Variants in FBXL18 observed in about 807,000 individuals in gnomAD.
FBXL18 encodes F-box/LRR-repeat protein 18.
FBXL18 carries 36 observed loss-of-function variants against 46.0 expected under a neutral mutation model. The observed-to-expected ratio is 0.78, with a 90% CI of 0.60 to 1.03. The LOEUF (loss-of-function observed/expected upper bound fraction) is 1.03. Ranked by LOEUF, FBXL18 falls within the 50% of genes least tolerant of loss-of-function variation. The pLI is 0.00. For missense variants in FBXL18, 977 were observed against 1,004.1 expected, an observed-to-expected ratio of 0.97 and a Z score of 0.36; for synonymous variants, 557 against 465.3, an observed-to-expected ratio of 1.20 and a Z score of -2.54.
chr7:5,506,192 C>A (rs1274139397), intron 1 of FBXL18, among the ~76,000 whole-genome samples: 1 of 152,048 alleles, frequency 6.6e-6, no homozygotes, highest in Admixed American at 6.6e-5. Flanking sequence ...AACTCCTGGG[C>A]TCCAGCCTCC....
At chr7:5,460,828 C>T (rs527589101) in intron 4 of FBXL18, among the ~76,000 whole-genome samples, 1 of 152,328 alleles carries the variant, frequency 6.6e-6, no homozygotes, top group African/African-American at 2.4e-5. Flanking sequence ...GCTATCTGCA[C>T]ATTGCCGCCC....
chr7:5,507,749 G>T (rs538279605), intron 1 of FBXL18, among the ~76,000 whole-genome samples: 1 of 151,648 alleles, frequency 6.6e-6, no homozygotes, highest in South Asian at 2.1e-4. Context: ...CAGGAGAATC[G>T]CTTGAACCCC....
Position 5,501,716 on chromosome 7 carries a change from A to G in FBXL18, c.553T>C (p.Tyr185His). 1 of 1,585,584 alleles carries G rather than the reference A, an allele frequency of 6.3e-7. No individual in the cohort carries two copies. Residue 185 changes from tyrosine (Y) to histidine (H), a missense_variant, in exon 3 of 5, where the codon TAC (tyrosine) becomes CAC (histidine). Transcript: ENST00000382368. The part of the protein sequence containing the change: ...ELKQTLFTPS[Y>H]GVVPCCTSLE... ...CTGGTGCAGCAGGGCACCACGCCGTAGGAGGGAGTGAACAGCGTCTGCTTG... is the reference window on the plus strand; with the variant it reads ...CTGGTGCAGCAGGGCACCACGCCGTGGGAGGGAGTGAACAGCGTCTGCTTG...
chr7:5,460,386 G>C (rs1783227105), intron 4 of FBXL18, among the ~76,000 whole-genome samples: 1 of 152,176 alleles, frequency 6.6e-6, no homozygotes, highest in African/African-American at 2.4e-5. Flanking sequence ...AAGACACAGA[G>C]ATACCATGAG....
chr7:5,499,081 T>C (rs1479642333), intron 3 of FBXL18, among the ~76,000 whole-genome samples: 1 of 152,170 alleles, frequency 6.6e-6, no homozygotes, highest in African/African-American at 2.4e-5. Context: ...CCCAGGCCTG[T>C]TGTTCCACCT....
chr7:5,501,810 C>A lies in FBXL18; in HGVS notation c.459G>T (p.Val153=). The A allele has an allele frequency of 1.3e-6, 2 of 1,578,564 alleles. No homozygotes were observed. Among genetic ancestry groups the A allele is most frequent in the African/African-American group, 1.3e-5 (1 of 74,590 alleles). The change falls in exon 3 of 5, where the codon GTG becomes GTT. Residue 153 remains valine (V), a synonymous_variant. Coordinates refer to ENST00000382368, the MANE Select transcript of FBXL18 (RefSeq NM_024963.6). ...LQHLRSLAID[V]SPGFDASQLS... is the part of the protein sequence containing the mutation. ...GCTGGCTGGCGTCGAAGCCGGGGCT[C>A]ACGTCGATGGCCAGCGAGCGCAGGT...
Position 5,481,771 on chromosome 7 carries a change from C to T in FBXL18, c.*4G>A, listed in dbSNP as rs1239493483. ...CTGAGACCGATGGGCGGCGGCTCCGCCTCTCACCACCACAGGTTCGGCGGT... is the reference window on the plus strand; with the variant it reads ...CTGAGACCGATGGGCGGCGGCTCCGTCTCTCACCACCACAGGTTCGGCGGT... On this transcript the variant is annotated 3_prime_UTR_variant, in exon 5 of 5. Transcript: ENST00000382368. 23 of 1,613,168 alleles carry T rather than the reference C, an allele frequency of 1.4e-5. No individual in the cohort carries two copies. Among genetic ancestry groups the T allele is most frequent in the Non-Finnish European group, 1.9e-5 (23 of 1,179,950 alleles).
chr7:5,465,704 G>A (rs1478322459), intron 4 of FBXL18, among the ~76,000 whole-genome samples: 1 of 152,066 alleles, frequency 6.6e-6, no homozygotes, highest in East Asian at 1.9e-4. Flanking sequence ...GAGAAATGGT[G>A]GAAAAACTAC....
At chr7:5,509,435 C>T (rs764560682) in intron 1 of FBXL18, among the ~76,000 whole-genome samples, 1 of 151,942 alleles carries the variant, frequency 6.6e-6, no homozygotes, top group African/African-American at 2.4e-5. Flanking sequence ...GGCTCACGCC[C>T]GTAATCCCCA....
At chr7:5,511,172 C>T (rs930667298) in intron 1 of FBXL18, among the ~76,000 whole-genome samples, 1 of 152,150 alleles carries the variant, frequency 6.6e-6, no homozygotes, top group African/African-American at 2.4e-5. Context: ...CATGGTGGCT[C>T]ACGCCTGTAA....
At position 5,501,257 on chromosome 7, in the gene FBXL18, C is replaced by T. The variant is rs1784244606; in HGVS notation, c.1012G>A (p.Gly338Ser). ...GGHLIQQVIN[G>S]GKDLRSLASL... ...GCCAGGCTCCGCAGGTCCTTCCCGCCGTTGATGACCTGCTGGATCAGATGG... is the reference window on the plus strand; with the variant it reads ...GCCAGGCTCCGCAGGTCCTTCCCGCTGTTGATGACCTGCTGGATCAGATGG... Residue 338 changes from glycine (G) to serine (S), a missense_variant, in exon 3 of 5, where the codon GGC (glycine) becomes AGC (serine). By Grantham distance (56) the Gly-to-Ser change is moderately conservative (BLOSUM62 0). Coordinates refer to ENST00000382368, the MANE Select transcript of FBXL18 (RefSeq NM_024963.6). The T allele has an allele frequency of 6.2e-7, 1 of 1,613,958 alleles. No homozygotes were observed. The highest frequency in any genetic ancestry group is 8.5e-7 in the Non-Finnish European group (1 of 1,179,974).
chr7:5,511,424 C>CA (rs34809984), intron 1 of FBXL18, among the ~76,000 whole-genome samples: 2,100 of 148,482 alleles, frequency 0.014, 49 homozygotes, highest in African/African-American at 0.042. Flanking sequence ...ACTAAAAATA[C>CA]AAAAAAAAAA....
intron 1 of FBXL18, among the ~76,000 whole-genome samples, chr7:5,512,352 C>T (rs1457535159): frequency 6.7e-6 from 1 of 148,280 alleles, no homozygotes; most frequent in Admixed American, 6.7e-5. Context: ...CTGTGGCTCA[C>T]GCCTGTAATC....
At chr7:5,465,953 G>A (rs574824169) in intron 4 of FBXL18, among the ~76,000 whole-genome samples, 4 of 151,970 alleles carry the variant, frequency 2.6e-5, no homozygotes, top group Non-Finnish European at 5.9e-5. Flanking sequence ...GAGTAGCTGG[G>A]ATTACAGGCG....
At chr7:5,506,279 T>G (rs1364072237) in intron 1 of FBXL18, among the ~76,000 whole-genome samples, 2 of 146,328 alleles carry the variant, frequency 1.4e-5, no homozygotes, top group African/African-American at 5.1e-5. Context: ...GACAAGGTCT[T>G]GCTTTGTCAC....
In FBXL18 at chr7:5,481,752, C is replaced by T. The variant is rs1366061686; in HGVS notation, c.*23G>A. The T allele has an allele frequency of 1.2e-6, 2 of 1,612,542 alleles. No individual in the cohort carries two copies. The highest frequency in any genetic ancestry group is 8.5e-7 in the Non-Finnish European group (1 of 1,179,708). ...CTGCAGCTTCTCGAGGTGACTGAGA[C>T]CGATGGGCGGCGGCTCCGCCTCTCA... On this transcript the variant is annotated 3_prime_UTR_variant, in exon 5 of 5. Coordinates refer to ENST00000382368, the MANE Select transcript of FBXL18 (RefSeq NM_024963.6).
chr7:5,489,359 G>T, intron 4 of FBXL18: 2 of 517,510 alleles, frequency 3.9e-6, no homozygotes, highest in Non-Finnish European at 7.7e-6. Flanking sequence ...TGTTGGCCAG[G>T]CGTTGTGGCT....
In FBXL18 at chr7:5,496,684, C is replaced by A. The variant is rs1043726066; in HGVS notation, c.1781+3804G>T. Among the ~76,000 whole-genome samples the A allele has an allele frequency of 2.0e-5, 3 of 152,156 alleles. No homozygotes were observed. The highest frequency in any genetic ancestry group is 7.2e-5 in the African/African-American group (3 of 41,432). ...ATCACTTGAGCCCAGGAGTTCAAGA[C>A]CAGCCCGGGCAACACAGCAAGACCC... is the stretch of plus-strand genomic sequence containing the variant. On this transcript the variant is annotated intron_variant, in intron 3 of 4. Coordinates refer to ENST00000382368, the MANE Select transcript of FBXL18 (RefSeq NM_024963.6). The surrounding 1 kb of genome is among the most constrained non-coding windows in gnomAD (Gnocchi z 4.8).
chr7:5,491,456 GGA>G lies in FBXL18; in HGVS notation c.1782-9_1782-8del, dbSNP rs769012470. 7 of 1,565,150 alleles carry G rather than the reference GGA, an allele frequency of 4.5e-6. No individual in the cohort carries two copies. Among genetic ancestry groups the G allele is most frequent in the Middle Eastern group, 1.9e-4 (1 of 5,274 alleles). On this transcript the variant is annotated splice_region_variant and splice_polypyrimidine_tract_variant and intron_variant, in intron 3 of 4. Transcript: ENST00000382368. ...GAAGTAGGGCTGCTCCAGCCTGCGG[GGA>G]GAGAGGGCAGCTGTGAGGTCCGAGG...
Sources: gnomAD v4.1 joint callset for allele counts (sites outside exome capture counted in the v4.1 genomes callset) on GRCh38, gnomAD v4.1.1 for gene constraint, Gnocchi (gnomAD v3.1) non-coding constraint, MANE v1.5 for transcripts, NCBI Gene and HGNC (gene_info 2026-07-23, HGNC 2026-07-21) for gene names.